MCOLN2: variants seen among roughly 807,000 people sequenced by gnomAD.
MCOLN2 encodes the protein mucolipin TRP cation channel 2, also known as mucolipin-2.
MCOLN2 carries 57 observed loss-of-function variants against 67.5 expected under a neutral mutation model. The ratio of observed to expected loss-of-function variants is 0.84; its 90% CI spans 0.68 to 1.05. The LOEUF is 1.05. Among genes scored for constraint, MCOLN2 ranks in the 50% least tolerant of loss-of-function variants. The pLI is 0.00. For missense variants in MCOLN2, 620 were observed against 678.8 expected (o/e 0.91, Z 0.96); for synonymous variants, 246 against 233.3 (o/e 1.05, Z -0.50).
chr1:84,935,900 T>C (rs765499055), intron 11 of MCOLN2, among the ~76,000 whole-genome samples: 4 of 152,176 alleles, frequency 2.6e-5, no homozygotes, highest in Non-Finnish European at 4.4e-5. Flanking sequence ...TACATGGCTG[T>C]CCTCTCACAG....
chr1:84,977,113 T>C (rs1338554341), intron 1 of MCOLN2, among the ~76,000 whole-genome samples: 2 of 144,196 alleles, frequency 1.4e-5, no homozygotes, highest in African/African-American at 2.6e-5. Flanking sequence ...TGTTAAGGCA[T>C]AGAGTTTTTA....
intron 1 of MCOLN2, among the ~76,000 whole-genome samples, chr1:84,986,384 T>C (rs1413146340): frequency 6.6e-6 from 1 of 151,756 alleles, no homozygotes; most frequent in Non-Finnish European, 1.5e-5. Flanking sequence ...TTACTAAAAA[T>C]ACAAAATTAG....
chr1:84,955,962 T>C (rs1386132383), intron 4 of MCOLN2, among the ~76,000 whole-genome samples: 3 of 152,226 alleles, frequency 2.0e-5, no homozygotes, highest in Non-Finnish European at 2.9e-5. Flanking sequence ...CAATTCGACT[T>C]GATTAGCCAT....
chr1:84,927,788 T>G (rs139973293), intron 13 of MCOLN2, among the ~76,000 whole-genome samples: 310 of 152,208 alleles, frequency 2.0e-3, no homozygotes, highest in African/African-American at 7.3e-3. Flanking sequence ...TCCCTAGCTT[T>G]TATTTTATTT....
In MCOLN2 at chr1:84,952,485, T is replaced by C; in HGVS notation, c.611A>G (p.Asp204Gly). The change falls in exon 5 of 14, where the codon GAC becomes GGC. Residue 204 changes from aspartate (D) to glycine (G), a missense_variant. Coordinates refer to ENST00000370608, the MANE Select transcript of MCOLN2 (RefSeq NM_153259.4). ...TCTGAAGAATGATGAGTTCTTCCAG[T>C]CCGGAGGCTTCTTGGAGAGGTCCTG... ...DLQDLSKKPP[D>G]WKNSSFFRLE... The C allele has an allele frequency of 6.2e-7, 1 of 1,613,274 alleles. No homozygotes were observed. Among genetic ancestry groups the C allele is most frequent in the Non-Finnish European group, 8.5e-7 (1 of 1,179,206 alleles).
At chr1:84,941,034 G>T in intron 7 of MCOLN2, 43 bp from the exon 8 acceptor site, 2 of 1,281,484 alleles carry the variant, frequency 1.6e-6, no homozygotes, top group Non-Finnish European at 2.2e-6. Flanking sequence ...ACACCTTACC[G>T]GAGAATAATT....
chr1:84,977,487 C>A (rs1650050020), intron 1 of MCOLN2, among the ~76,000 whole-genome samples: 1 of 151,528 alleles, frequency 6.6e-6, no homozygotes, highest in Non-Finnish European at 1.5e-5. Flanking sequence ...CTGTTGCCTA[C>A]AAAAAATACA....
At chr1:84,948,762 G>C (rs781422212) in intron 6 of MCOLN2, among the ~76,000 whole-genome samples, 7 of 152,190 alleles carry the variant, frequency 4.6e-5, no homozygotes, top group Non-Finnish European at 7.3e-5. Flanking sequence ...AAAAATCTTG[G>C]AGCTGAATTA....
chr1:84,940,325 C>T (rs1429677688), intron 8 of MCOLN2, among the ~76,000 whole-genome samples: 2 of 152,152 alleles, frequency 1.3e-5, no homozygotes, highest in East Asian at 3.8e-4. Flanking sequence ...CCCCAGTGTG[C>T]ATTTGTACAC....
chr1:84,946,553 G>A (rs1268216626), intron 7 of MCOLN2, among the ~76,000 whole-genome samples: 3 of 152,152 alleles, frequency 2.0e-5, no homozygotes, highest in Non-Finnish European at 4.4e-5. Flanking sequence ...TTGAGCATCC[G>A]AAATCCAAAA....
chr1:84,962,945 G>A (rs1649172162), intron 2 of MCOLN2, among the ~76,000 whole-genome samples: 3 of 152,158 alleles, frequency 2.0e-5, no homozygotes, highest in African/African-American at 7.2e-5. Context: ...AATGTATATG[G>A]ATAAGAAAGG....
chr1:84,954,458 G>C (rs1343793289), intron 4 of MCOLN2, among the ~76,000 whole-genome samples: 1 of 152,166 alleles, frequency 6.6e-6, no homozygotes, highest in Non-Finnish European at 1.5e-5. Flanking sequence ...CACTGTGCTG[G>C]ACTTTATATA....
chr1:84,958,460 T>A, intron 3 of MCOLN2, 69 bp downstream of exon 3: 1 of 1,303,948 alleles, frequency 7.7e-7, no homozygotes, highest in South Asian at 1.5e-5. Context: ...AATTTTTGTT[T>A]GTTGGCTAAG....
intron 13 of MCOLN2, 121 bp from the exon 14 acceptor site, chr1:84,926,842 A>G: frequency 1.7e-6 from 1 of 594,586 alleles, no homozygotes; most frequent in Non-Finnish European, 2.6e-6. Flanking sequence ...TGAAACATAG[A>G]AGAGGAAGAA....
At chr1:84,970,007 T>C (rs1649587154) in intron 1 of MCOLN2, among the ~76,000 whole-genome samples, 2 of 152,254 alleles carry the variant, frequency 1.3e-5, no homozygotes, top group East Asian at 1.9e-4. Flanking sequence ...ATCTTAACTG[T>C]GCCTGAGAGC....
rs533442591 is a variant in MCOLN2, at chr1:84,965,704, C to T, written c.82G>A (p.Ala28Thr). 1.6e-5 allele frequency: 26 copies of T among 1,610,346 alleles called. No individual in the cohort carries two copies. The highest frequency in any genetic ancestry group is 2.1e-5 in the Non-Finnish European group (25 of 1,178,820). ...ATCTCAGAATCACGATGTGCCATTG[C>T]ATTTCTGCCACAGAAGATTAATTTT... ...SGVFRLTVRNAMAHRDSEMKE... is the reference protein window; with the variant it reads ...SGVFRLTVRNTMAHRDSEMKE... Residue 28 changes from alanine (A) to threonine (T), a missense_variant, in exon 2 of 14, where the codon GCA becomes ACA. Coordinates refer to ENST00000370608, the MANE Select transcript of MCOLN2 (RefSeq NM_153259.4).
At chr1:84,989,835 G>A (rs1217711190) in intron 1 of MCOLN2, among the ~76,000 whole-genome samples, 1 of 152,068 alleles carries the variant, frequency 6.6e-6, no homozygotes, top group African/African-American at 2.4e-5. Flanking sequence ...AATGTAATAG[G>A]CAATGAATCT....
At chr1:84,957,395 CG>C (rs1648851969) in intron 3 of MCOLN2, among the ~76,000 whole-genome samples, 1 of 152,156 alleles carries the variant, frequency 6.6e-6, no homozygotes, top group South Asian at 2.1e-4. Context: ...TTCATTAATA[CG>C]ACTTTACTAT....
intron 1 of MCOLN2, among the ~76,000 whole-genome samples, chr1:84,989,115 G>C (rs994764731): frequency 6.6e-6 from 1 of 152,104 alleles, no homozygotes. Context: ...TGAAGGGTGG[G>C]TCTTGTTTAT....
Sources: gnomAD v4.1 joint callset for allele counts (sites outside exome capture counted in the v4.1 genomes callset) on GRCh38, gnomAD v4.1.1 for gene constraint, MANE v1.5 for transcripts, NCBI Gene and HGNC (gene_info 2026-07-23, HGNC 2026-07-21) for gene names.